Variants in VAV1 observed in about 807,000 individuals in gnomAD.
The protein encoded by VAV1 is proto-oncogene vav.
In VAV1, 33 loss-of-function variants were observed where a neutral mutation model predicts 128.1. The observed-to-expected ratio is 0.26, with a 90% CI of 0.20 to 0.34. VAV1 has a LOEUF of 0.34. Among genes scored for constraint, VAV1 ranks in the 10% least tolerant of loss-of-function variants. VAV1 has a pLI of 1.00. For missense variants in VAV1, 715 were observed against 1,093.7 expected (o/e 0.65, Z 4.88); for synonymous variants, 394 against 409.8 (o/e 0.96, Z 0.47).
chr19:6,782,435 G>T (rs657410), intron 1 of VAV1, among the ~76,000 whole-genome samples: 33,044 of 152,094 alleles, frequency 0.22, 3,710 homozygotes, highest in African/African-American at 0.25. Flanking sequence ...AACATGATAA[G>T]GTAAATGAAA....
intron 1 of VAV1, among the ~76,000 whole-genome samples, chr19:6,815,176 C>T (rs1971619871): frequency 6.6e-6 from 1 of 152,024 alleles, no homozygotes; most frequent in Admixed American, 6.6e-5. Context: ...GAGACAGGGT[C>T]TCATTGTGTT....
chr19:6,813,590 A>G (rs1472097504), intron 1 of VAV1, among the ~76,000 whole-genome samples: 1 of 152,184 alleles, frequency 6.6e-6, no homozygotes, highest in Non-Finnish European at 1.5e-5. Flanking sequence ...GGTAGGACTC[A>G]TACCCTTTAT....
At chr19:6,841,408 C>T (rs947034285) in intron 21 of VAV1, among the ~76,000 whole-genome samples, 49 of 151,760 alleles carry the variant, frequency 3.2e-4, no homozygotes, top group African/African-American at 6.3e-4. Flanking sequence ...AGAAACAGGA[C>T]GGCTGGGTCA....
chr19:6,852,803 G>A lies in VAV1; in HGVS notation c.2218-162G>A, dbSNP rs146279380. On this transcript the variant is annotated intron_variant, in intron 24 of 26. Transcript: ENST00000602142. ...TAAATAGTCCTGGCTGCTCAGGGAG[G>A]TGATGAACTCCCCATCATGGGGAGT... Among the ~76,000 whole-genome samples, 333 of 152,240 alleles carry A rather than the reference G, an allele frequency of 2.2e-3. 1 individual carries two copies. The highest frequency in any genetic ancestry group is 7.8e-3 in the African/African-American group (324 of 41,530).
intron 1 of VAV1, among the ~76,000 whole-genome samples, chr19:6,802,291 G>T (rs1465542083): frequency 6.6e-6 from 1 of 151,904 alleles, no homozygotes; most frequent in Non-Finnish European, 1.5e-5. Flanking sequence ...GTATACATAT[G>T]TAACAAACCT....
chr19:6,774,498 G>C (rs1368472962), intron 1 of VAV1, among the ~76,000 whole-genome samples: 14 of 129,134 alleles, frequency 1.1e-4, no homozygotes, highest in Non-Finnish European at 2.1e-4. Context: ...GCAGTGGTGC[G>C]ATCTCAGCTC....
In VAV1 at chr19:6,850,683, G is replaced by A. The variant is rs775206603; in HGVS notation, c.2143G>A (p.Val715Ile). The change falls in exon 24 of 27, where the codon GTC becomes ATC. Residue 715 changes from valine to isoleucine, a missense_variant. Physicochemically the swap from Val to Ile is conservative, Grantham distance 29. Coordinates refer to ENST00000602142, the MANE Select transcript of VAV1 (RefSeq NM_005428.4). ...FAISIKYNVE[V>I]KHIKIMTAEG... is the part of the protein sequence containing the mutation. ...ATCTGGTTCCAGATATAACGTCGAGGTCAAGCACATTAAAATCATGACAGC... is the reference window on the plus strand; with the variant it reads ...ATCTGGTTCCAGATATAACGTCGAGATCAAGCACATTAAAATCATGACAGC... 6.8e-6 allele frequency: 11 copies of A among 1,613,936 alleles called. No individual in the cohort carries two copies. The South Asian group carries it at 1.1e-4, about 16-fold the overall frequency.
At chr19:6,779,382 A>G (rs943317932) in intron 1 of VAV1, among the ~76,000 whole-genome samples, 4 of 150,902 alleles carry the variant, frequency 2.7e-5, no homozygotes, top group African/African-American at 9.7e-5. Flanking sequence ...CCATCCTCCC[A>G]TAACAGGAAA....
At chr19:6,795,044 C>T (rs1193444611) in intron 1 of VAV1, among the ~76,000 whole-genome samples, 2 of 152,076 alleles carry the variant, frequency 1.3e-5, no homozygotes, top group African/African-American at 4.8e-5. Context: ...TTTCAAGAAA[C>T]CCGGAGAGAG....
At chr19:6,816,043 G>A (rs1244762213) in intron 1 of VAV1, among the ~76,000 whole-genome samples, 1 of 140,600 alleles carries the variant, frequency 7.1e-6, no homozygotes, top group African/African-American at 2.8e-5. Context: ...TTTTTGAGAC[G>A]GAGTCTCGCT....
chr19:6,825,502 G>A, intron 8 of VAV1, 96 bp downstream of exon 8: 3 of 1,089,114 alleles, frequency 2.8e-6, no homozygotes, highest in South Asian at 2.9e-5. Context: ...CACTGGACGG[G>A]GAGGACTTTT....
At position 6,823,931 on chromosome 19, in the gene VAV1, CT is replaced by C. The variant is rs142722522; in HGVS notation, c.655-1113del. 6.0e-5 allele frequency among the ~76,000 whole-genome samples: 9 copies of C among 150,520 alleles called. No homozygotes were observed. In the East Asian group the frequency reaches 9.7e-4, roughly 16 times the overall value. On this transcript the variant is annotated intron_variant, in intron 6 of 26. Coordinates refer to ENST00000602142, the MANE Select transcript of VAV1 (RefSeq NM_005428.4). ...TGTTTTGTTTTGGTTTTTTTTGTTT[CT>C]TTTTTTTTGATTTGTTTTGTTTTGA... is the stretch of plus-strand genomic sequence containing the variant.
At chr19:6,849,239 C>T (rs574216248) in intron 23 of VAV1, among the ~76,000 whole-genome samples, 7 of 151,362 alleles carry the variant, frequency 4.6e-5, no homozygotes, top group African/African-American at 1.7e-4. Flanking sequence ...GCTCTTTCAT[C>T]CCACCCTCCT....
rs772817579 is a variant in VAV1 at position 6,833,756 on chromosome 19, C to G, written c.1731+23C>G. 4.3e-6 allele frequency: 7 copies of G among 1,614,142 alleles called. No individual in the cohort carries two copies. In the South Asian group the frequency reaches 7.7e-5, roughly 18 times the overall value. ...AAGGTAAGACTTTCCCGTGGTCCTT[C>G]CTGTGTACCACAAATAATGGGCAAC... On this transcript the variant is annotated intron_variant, in intron 18 of 26. Coordinates refer to ENST00000602142, the MANE Select transcript of VAV1 (RefSeq NM_005428.4).
chr19:6,834,058 C>T (rs760700904), intron 19 of VAV1, 105 bp downstream of exon 19: 19 of 1,517,570 alleles, frequency 1.3e-5, no homozygotes, highest in East Asian at 1.1e-4. Context: ...CACATTGGGC[C>T]GGGTGCAATA....
Position 6,822,132 on chromosome 19 carries a change from TG to T in VAV1, c.450-83del. 1.5e-6 allele frequency: 2 copies of T among 1,333,048 alleles called. No individual in the cohort carries two copies. The highest frequency in any genetic ancestry group is 2.1e-6 in the Non-Finnish European group (2 of 956,336). The allele number at this position is 1,333,048 out of a possible 1,614,324, so 82.6% of individuals were successfully genotyped here. A position where few individuals can be genotyped will look rare whatever the true frequency, so the allele number is the denominator to read the frequency against. On this transcript the variant is annotated intron_variant, in intron 4 of 26. Coordinates refer to ENST00000602142, the MANE Select transcript of VAV1 (RefSeq NM_005428.4). The surrounding 1 kb of genome is among the most constrained non-coding windows in gnomAD (Gnocchi z 5.9). ...GTCTGAGGTCCCACCCTTGGAGTCT[TG>T]GGGGGACAAAGCCCTGCGCTGGGGT...
chr19:6,808,902 AG>A (rs1971454809), intron 1 of VAV1, among the ~76,000 whole-genome samples: 1 of 152,232 alleles, frequency 6.6e-6, no homozygotes, highest in African/African-American at 2.4e-5. Context: ...ACCTTTAGCT[AG>A]GTGCTTGTCT....
At chr19:6,780,820 C>T (rs1422864810) in intron 1 of VAV1, among the ~76,000 whole-genome samples, 6 of 150,280 alleles carry the variant, frequency 4.0e-5, no homozygotes, top group African/African-American at 1.2e-4. Flanking sequence ...ATGATCTGCC[C>T]GCCTCAGCCT....
Position 6,810,620 on chromosome 19 carries a change from G to C in VAV1, c.205-10082G>C, listed in dbSNP as rs554784987. 6.7e-4 allele frequency among the ~76,000 whole-genome samples: 102 copies of C among 152,186 alleles called. 2 individuals carry two copies. The highest frequency in any genetic ancestry group is 5.4e-3 in the Admixed American group (82 of 15,284). On this transcript the variant is annotated intron_variant, in intron 1 of 26. Transcript: ENST00000602142. The stretch of plus-strand genomic sequence containing the variant: ...CTCAGGAGGCTGAGGCTGGAGAATT[G>C]CTTGAACCCAGGAGGCGGAGGTTGC...
Sources: gnomAD v4.1 joint callset for allele counts (sites outside exome capture counted in the v4.1 genomes callset) on GRCh38, gnomAD v4.1.1 for gene constraint, Gnocchi (gnomAD v3.1) non-coding constraint, MANE v1.5 for transcripts, NCBI Gene and HGNC (gene_info 2026-07-23, HGNC 2026-07-21) for gene names.